VPS50: variants seen among roughly 807,000 people sequenced by gnomAD.
The protein encoded by VPS50 is VPS50 subunit of EARP/GARPII complex, also known as syndetin.
A neutral mutation model predicts 139.7 loss-of-function variants in VPS50; 70 were observed. The ratio of observed to expected loss-of-function variants is 0.50; its 90% CI spans 0.41 to 0.61. The LOEUF is 0.61. Among genes scored for constraint, VPS50 ranks in the 20% least tolerant of loss-of-function variants. The probability of loss-of-function intolerance (pLI) is 0.00; values close to 1 mark genes in which losing one functional copy is unlikely to be tolerated. For synonymous variants in VPS50, 365 were observed against 376.7 expected, an observed-to-expected ratio of 0.97 and a Z score of 0.36; for missense variants, 921 against 1,133.7, an observed-to-expected ratio of 0.81 and a Z score of 2.69.
At chr7:93,242,077 G>A (rs1047545551) in intron 2 of VPS50, among the ~76,000 whole-genome samples, 23 of 151,622 alleles carry the variant, frequency 1.5e-4, no homozygotes, top group Non-Finnish European at 2.5e-4. Context: ...ACGGAAAAAG[G>A]TATCTTAAAA....
chr7:93,302,966 G>C (rs545431854), intron 16 of VPS50, among the ~76,000 whole-genome samples: 180 of 152,114 alleles, frequency 1.2e-3, no homozygotes, highest in Non-Finnish European at 2.2e-3. Flanking sequence ...GCTATATAGA[G>C]ACAGGCACTG....
chr7:93,250,335 G>T lies in VPS50; in HGVS notation c.103-2318G>T, dbSNP rs575299647. On this transcript the variant is annotated intron_variant, in intron 2 of 27. Transcript: ENST00000305866. The stretch of plus-strand genomic sequence containing the variant: ...AAACTCTAAAAGATATCTGAGCAAG[G>T]CTCTTCTTACAAATAAAAAATATGC... Among the ~76,000 whole-genome samples, 239 of 152,032 alleles carry T rather than the reference G, an allele frequency of 1.6e-3. 1 individual carries two copies. Among genetic ancestry groups the T allele is most frequent in the African/African-American group, 5.5e-3 (228 of 41,478 alleles).
At position 93,355,820 on chromosome 7, in the gene VPS50, T is replaced by C. The variant is rs1798690343; in HGVS notation, c.2586-71T>C. On this transcript the variant is annotated intron_variant, in intron 26 of 27. Coordinates refer to ENST00000305866, the MANE Select transcript of VPS50 (RefSeq NM_017667.4). ...TGTCCAAATATAGGTTAGAGAAAAC[T>C]TCAAATACCTGACAGTTTTTTGTTT... The C allele has an allele frequency of 1.1e-5, 10 of 905,156 alleles. No individual in the cohort carries two copies. The South Asian group carries it at 2.1e-4, about 19-fold the overall frequency. 56.1% of individuals were successfully genotyped at this position (905,156 alleles called of 1,614,324 possible).
chr7:93,341,693 A>T (rs1361121353), intron 23 of VPS50, 118 bp downstream of exon 23: 1 of 595,492 alleles, frequency 1.7e-6, no homozygotes, highest in Non-Finnish European at 2.8e-6. Context: ...AATATCACTT[A>T]TATGTTTCTG....
intron 20 of VPS50, among the ~76,000 whole-genome samples, chr7:93,321,403 C>A (rs1259359266): frequency 1.3e-5 from 2 of 152,168 alleles, no homozygotes; most frequent in African/African-American, 4.8e-5. Context: ...CGTCTGCTGT[C>A]TGCCTGTTCT....
chr7:93,243,987 G>C (rs1174275484), intron 2 of VPS50, among the ~76,000 whole-genome samples: 1 of 151,612 alleles, frequency 6.6e-6, no homozygotes, highest in East Asian at 1.9e-4. Context: ...AATGATAAGG[G>C]GGTTTTTTTG....
At chr7:93,330,607 A>G (rs1797907112) in intron 21 of VPS50, among the ~76,000 whole-genome samples, 1 of 151,986 alleles carries the variant, frequency 6.6e-6, no homozygotes. Flanking sequence ...TACAAAAATT[A>G]GCCAAGTGTG....
chr7:93,313,158 G>A (rs1797321313), intron 20 of VPS50, among the ~76,000 whole-genome samples: 2 of 152,294 alleles, frequency 1.3e-5, no homozygotes, highest in South Asian at 4.1e-4. Context: ...GACTCCTGAA[G>A]CTTCTGCTTC....
chr7:93,266,475 C>A (rs1029993914), intron 9 of VPS50, among the ~76,000 whole-genome samples: 2 of 152,302 alleles, frequency 1.3e-5, no homozygotes, highest in Middle Eastern at 3.4e-3. Flanking sequence ...TTCTATGCAA[C>A]CTTTCTAGGA....
At chr7:93,276,783 C>G (rs1035223698) in intron 12 of VPS50, among the ~76,000 whole-genome samples, 4 of 152,008 alleles carry the variant, frequency 2.6e-5, no homozygotes, top group African/African-American at 4.8e-5. Flanking sequence ...GACTTGGGTT[C>G]TGTTTTAGAA....
chr7:93,333,041 T>C (rs2117044180), intron 21 of VPS50, among the ~76,000 whole-genome samples: 1 of 152,260 alleles, frequency 6.6e-6, no homozygotes, highest in Middle Eastern at 3.4e-3. Context: ...CGAGATTGTA[T>C]GCTATTACCA....
chr7:93,304,306 G>C (rs1008076809), intron 17 of VPS50, among the ~76,000 whole-genome samples: 1 of 151,572 alleles, frequency 6.6e-6, no homozygotes, highest in African/African-American at 2.4e-5. Context: ...TCTTATTCTG[G>C]ATAAATGTAA....
Position 93,345,171 on chromosome 7 carries a change from C to G in VPS50, c.2208-3540C>G, listed in dbSNP as rs200350370. The stretch of plus-strand genomic sequence containing the variant: ...TATCACCACCGATCCCACAGAAATA[C>G]AAACTACCTTCAGAGAATACTACAA... On this transcript the variant is annotated intron_variant, in intron 23 of 27. Transcript: ENST00000305866. 2.2e-4 allele frequency among the ~76,000 whole-genome samples: 34 copies of G among 152,324 alleles called. No homozygotes were observed. The East Asian group carries it at 6.4e-3, about 28-fold the overall frequency.
At chr7:93,353,805 T>G (rs1412750767) in intron 26 of VPS50, 44 bp downstream of exon 26, 2 of 1,422,284 alleles carry the variant, frequency 1.4e-6, no homozygotes, top group Non-Finnish European at 2.0e-6. Flanking sequence ...TAATGACAAA[T>G]TGTAATATAT....
intron 20 of VPS50, among the ~76,000 whole-genome samples, chr7:93,315,240 A>T (rs1797391282): frequency 6.6e-6 from 1 of 151,968 alleles, no homozygotes. Context: ...GTATGTGTGG[A>T]TTTCATTCTT....
intron 21 of VPS50, among the ~76,000 whole-genome samples, chr7:93,329,970 T>C (rs1008972437): frequency 6.6e-6 from 1 of 152,222 alleles, no homozygotes; most frequent in Non-Finnish European, 1.5e-5. Context: ...TAAAGAGCCT[T>C]GGTAATGGAA....
intron 11 of VPS50, among the ~76,000 whole-genome samples, chr7:93,274,597 C>T (rs1050598049): frequency 2.0e-5 from 3 of 152,092 alleles, no homozygotes; most frequent in African/African-American, 7.2e-5. Context: ...ACCTAGTCCC[C>T]CATGACTTTG....
Position 93,252,279 on chromosome 7 carries a change from T to G in VPS50, c.103-374T>G, listed in dbSNP as rs375268117. 5.3e-5 allele frequency among the ~76,000 whole-genome samples: 8 copies of G among 152,290 alleles called. No individual in the cohort carries two copies. In the East Asian group the frequency reaches 1.5e-3, roughly 29 times the overall value. ...ATTGAGGTGTTCTTCCCTTATTATCTGTGGTGAGACAGATTTTAGAATATT... is the reference window on the plus strand; with the variant it reads ...ATTGAGGTGTTCTTCCCTTATTATCGGTGGTGAGACAGATTTTAGAATATT... On this transcript the variant is annotated intron_variant, in intron 2 of 27. Transcript: ENST00000305866.
chr7:93,269,415 A>G (rs891616254), intron 9 of VPS50, among the ~76,000 whole-genome samples: 2 of 152,014 alleles, frequency 1.3e-5, no homozygotes, highest in African/African-American at 2.4e-5. Flanking sequence ...TTGTCAAAGG[A>G]TATAGTTTTG....
Sources: gnomAD v4.1 joint callset for allele counts (sites outside exome capture counted in the v4.1 genomes callset) on GRCh38, gnomAD v4.1.1 for gene constraint, MANE v1.5 for transcripts, NCBI Gene and HGNC (gene_info 2026-07-23, HGNC 2026-07-21) for gene names.